Variants in AFF3 observed in about 807,000 individuals in gnomAD.
AFF3 encodes the protein AF4/FMR2 family member 3.
Under a neutral mutation model 129.7 loss-of-function variants are expected in AFF3, and 32 were observed. The observed-to-expected ratio is 0.25, with a 90% CI of 0.19 to 0.33. The LOEUF is 0.33. Ranked by LOEUF, AFF3 falls within the 10% of genes least tolerant of loss-of-function variation. The pLI is 1.00. For synonymous variants in AFF3, 644 were observed against 635.4 expected, an observed-to-expected ratio of 1.01 and a Z score of -0.20; for missense variants, 1,373 against 1,592.0, an observed-to-expected ratio of 0.86 and a Z score of 2.34.
chr2:99,916,194 C>T lies in AFF3; in HGVS notation c.874-78670G>A, dbSNP rs140759215. Among the ~76,000 whole-genome samples, 406 of 152,250 alleles carry T rather than the reference C, an allele frequency of 2.7e-3. 6 individuals carry two copies. Among genetic ancestry groups the T allele is most frequent in the African/African-American group, 9.3e-3 (387 of 41,534 alleles). The stretch of plus-strand genomic sequence containing the variant: ...GCTCAGTTAAAAGAAAAGCTCTCTG[C>T]CTGGGACACTCTTCCCTTCTGCGAG... On this transcript the variant is annotated intron_variant, in intron 7 of 24. Coordinates refer to ENST00000672756, the MANE Select transcript of AFF3 (RefSeq NM_001386135.1).
chr2:99,726,464 T>C (rs1679371433), intron 11 of AFF3, among the ~76,000 whole-genome samples: 1 of 152,234 alleles, frequency 6.6e-6, no homozygotes, highest in East Asian at 1.9e-4. Flanking sequence ...TCATGAATTT[T>C]TTAATTTAAA....
chr2:100,037,708 AT>A (rs1322481387), intron 4 of AFF3, among the ~76,000 whole-genome samples: 2 of 126,150 alleles, frequency 1.6e-5, no homozygotes, highest in Non-Finnish European at 3.2e-5. Context: ...TATATTATAT[AT>A]TTATATATTA....
chr2:100,028,551 A>G (rs1422846529), intron 4 of AFF3, among the ~76,000 whole-genome samples: 1 of 152,190 alleles, frequency 6.6e-6, no homozygotes, highest in Non-Finnish European at 1.5e-5. Flanking sequence ...ATAAATGGAT[A>G]GTGTGCATAT....
intron 7 of AFF3, among the ~76,000 whole-genome samples, chr2:99,932,770 A>G (rs1421120783): frequency 6.6e-6 from 1 of 152,190 alleles, no homozygotes; most frequent in Non-Finnish European, 1.5e-5. Flanking sequence ...GGATAAGAAA[A>G]TTCATTTTCA....
At chr2:99,638,834 G>A (rs143159985) in intron 13 of AFF3, among the ~76,000 whole-genome samples, 160 of 152,314 alleles carry the variant, frequency 1.1e-3, no homozygotes, top group African/African-American at 3.7e-3. Context: ...TGTCCAGTTA[G>A]GTGGCATTAA....
intron 11 of AFF3, among the ~76,000 whole-genome samples, chr2:99,717,491 G>A (rs1678501856): frequency 6.6e-6 from 1 of 152,138 alleles, no homozygotes; most frequent in Non-Finnish European, 1.5e-5. Flanking sequence ...TTAGTGAAAA[G>A]CACCTTTTCA....
At chr2:100,048,159 T>C (rs1043909953) in intron 4 of AFF3, among the ~76,000 whole-genome samples, 2 of 152,232 alleles carry the variant, frequency 1.3e-5, no homozygotes, top group Non-Finnish European at 2.9e-5. Context: ...CCCTGTTGTT[T>C]ACAATGTAAC....
chr2:99,958,905 G>A (rs2104295866), intron 7 of AFF3, among the ~76,000 whole-genome samples: 1 of 152,086 alleles, frequency 6.6e-6, no homozygotes, highest in East Asian at 1.9e-4. Context: ...TTGGGCCCAG[G>A]AGTTCGAGAT....
intron 8 of AFF3, among the ~76,000 whole-genome samples, chr2:99,816,843 G>GT (rs1408709040): frequency 1.3e-5 from 2 of 152,108 alleles, no homozygotes. Flanking sequence ...CATGGGTAGA[G>GT]TTTTTTGTGT....
chr2:100,129,181 G>A (rs1692318298), intron 2 of AFF3, 43 bp downstream of exon 2: 1 of 152,144 alleles, frequency 6.6e-6, no homozygotes, highest in Non-Finnish European at 1.5e-5. Context: ...TCGAATCATA[G>A]GAAACTGCAG....
intron 7 of AFF3, among the ~76,000 whole-genome samples, chr2:99,862,053 T>C (rs1399339330): frequency 6.6e-6 from 1 of 152,182 alleles, no homozygotes; most frequent in Non-Finnish European, 1.5e-5. Flanking sequence ...AAACTGCTTT[T>C]CTTCACTGAT....
chr2:99,931,522 T>C (rs1406521007), intron 7 of AFF3, among the ~76,000 whole-genome samples: 1 of 152,252 alleles, frequency 6.6e-6, no homozygotes, highest in Admixed American at 6.5e-5. Flanking sequence ...TGATGGATTC[T>C]TTATTTTTTT....
chr2:99,761,185 C>CTTTTT (rs113789471), intron 8 of AFF3, among the ~76,000 whole-genome samples: 1 of 138,322 alleles, frequency 7.2e-6, no homozygotes, highest in Non-Finnish European at 1.6e-5. Context: ...CAGGTGACTT[C>CTTTTT]TTTTTTTTTT....
chr2:99,728,208 G>A (rs1380505257), intron 10 of AFF3, among the ~76,000 whole-genome samples: 1 of 152,184 alleles, frequency 6.6e-6, no homozygotes, highest in African/African-American at 2.4e-5. Context: ...GTATTTCCTT[G>A]AGGCTTGGAG....
intron 16 of AFF3, 82 bp from the exon 17 acceptor site, chr2:99,583,081 C>G (rs1677737764): frequency 7.9e-7 from 1 of 1,262,754 alleles, no homozygotes; most frequent in African/African-American, 1.5e-5. Context: ...CCAAACCACC[C>G]AACTGGGACC....
At chr2:100,081,755 T>C (rs1353632217) in intron 4 of AFF3, among the ~76,000 whole-genome samples, 1 of 152,208 alleles carries the variant, frequency 6.6e-6, no homozygotes, top group Non-Finnish European at 1.5e-5. Context: ...CTGTCATAGG[T>C]TAGCTGTGAA....
intron 8 of AFF3, among the ~76,000 whole-genome samples, chr2:99,785,907 C>A (rs1575977594): frequency 1.3e-5 from 2 of 152,138 alleles, no homozygotes; most frequent in African/African-American, 4.8e-5. Flanking sequence ...GTCACCATGC[C>A]TGGCTAATTT....
At chr2:99,773,178 AG>A (rs1490047248) in intron 8 of AFF3, among the ~76,000 whole-genome samples, 1 of 152,158 alleles carries the variant, frequency 6.6e-6, no homozygotes, top group Non-Finnish European at 1.5e-5. Context: ...AAATGTCTAC[AG>A]TGTTAATAGT....
Position 100,008,868 on chromosome 2 carries a change from G to A in AFF3, c.118C>T (p.Gln40Ter). 6.2e-7 allele frequency: 1 copy of A among 1,613,962 alleles called. No homozygotes were observed. Among genetic ancestry groups the A allele is most frequent in the Non-Finnish European group, 8.5e-7 (1 of 1,179,914 alleles). ...KERERRNQET[Q>*]QDDGTFNSSY... ...GAATTAAACGTGCCATCATCCTGTT[G>A]AGTTTCTTGATTTCTTCTTTCTCGT... The change falls in exon 5 of 25, where the codon CAA becomes TAA. Residue 40 changes from glutamine (Q) to a stop codon, truncating the protein, a stop_gained. Transcript: ENST00000672756. LOFTEE classifies it high-confidence loss of function.
Sources: gnomAD v4.1 joint callset for allele counts (sites outside exome capture counted in the v4.1 genomes callset) on GRCh38, gnomAD v4.1.1 for gene constraint, MANE v1.5 for transcripts, NCBI Gene and HGNC (gene_info 2026-07-23, HGNC 2026-07-21) for gene names.